The following HK1 variants were observed in gnomAD, a reference collection of about 807,000 sequenced individuals.
HK1 encodes hexokinase 1, also known as hexokinase-1.
HK1 carries 28 observed loss-of-function variants against 91.6 expected under a neutral mutation model. That is an observed-to-expected ratio of 0.31 (90% CI 0.23 to 0.42). HK1 has a LOEUF of 0.42. HK1 is among the 10% of genes least tolerant of loss of function. The probability of loss-of-function intolerance (pLI) is 1.00; values close to 1 mark genes in which losing one functional copy is unlikely to be tolerated. For missense variants in HK1, 770 were observed against 1,219.8 expected, an observed-to-expected ratio of 0.63 and a Z score of 5.49; for synonymous variants, 430 against 468.1, an observed-to-expected ratio of 0.92 and a Z score of 1.05.
At chr10:69,318,252 G>C (rs1302152115), upstream of HK1, 3 of 984,542 alleles carry the variant, frequency 3.0e-6, no homozygotes, top group African/African-American at 1.7e-5. Flanking sequence ...CGGTGCGTTC[G>C]GCCTGGGTGA....
In HK1 at chr10:69,364,795, GT is replaced by G; in HGVS notation, c.390del (p.Ala131LeufsTer33). 6.2e-7 allele frequency: 1 copy of G among 1,614,150 alleles called. No homozygotes were observed. The highest frequency in any genetic ancestry group is 8.5e-7 in the Non-Finnish European group (1 of 1,180,022). ...ATGTTTCCTTCAGCTTTTTGATCAT[GT>G]TGCTGAGTGCCTGGGAGATTTCATG... ...HGSGSQLFDHVAECLGDFMEK... is the reference protein window; with the variant it reads ...HGSGSQLFDHXAECLGDFMEK... On this transcript the variant is annotated frameshift_variant, in exon 4 of 18. Transcript: ENST00000359426. LOFTEE classifies it high-confidence loss of function.
At chr10:69,350,402 C>T (rs1347391830) in intron 2 of HK1, among the ~76,000 whole-genome samples, 2 of 152,276 alleles carry the variant, frequency 1.3e-5, no homozygotes, top group South Asian at 2.1e-4. Context: ...TGCCCGGCAG[C>T]GTATAGGACC....
chr10:69,381,207 G>T (rs542083190), intron 9 of HK1, among the ~76,000 whole-genome samples: 1 of 152,198 alleles, frequency 6.6e-6, no homozygotes, highest in Non-Finnish European at 1.5e-5. Context: ...AGGATCACTT[G>T]AGCATGGGGG....
chr10:69,351,314 C>T (rs1300023697), intron 2 of HK1, among the ~76,000 whole-genome samples: 1 of 151,912 alleles, frequency 6.6e-6, no homozygotes, highest in East Asian at 1.9e-4. Flanking sequence ...TTGAGACCAA[C>T]CTGGCCAAGG....
Position 69,379,944 on chromosome 10 carries a change from C to A in HK1, c.1114C>A (p.Gln372Lys), listed in dbSNP as rs900992780. 3.1e-6 allele frequency: 5 copies of A among 1,614,088 alleles called. No homozygotes were observed. The African/African-American group carries it at 5.3e-5, about 17-fold the overall frequency. The stretch of plus-strand genomic sequence containing the variant: ...GTCCGATGATGACTGTGTCTCAGTC[C>A]AGCACGTTTGCACCATTGTCTCATT... ...EPSDDDCVSV[Q>K]HVCTIVSFRS... Residue 372 changes from glutamine (Q) to lysine (K), a missense_variant, in exon 9 of 18, where the codon CAG (glutamine) becomes AAG (lysine). Gln to Lys is a moderately conservative substitution (Grantham distance 53, BLOSUM62 1). Transcript: ENST00000359426.
chr10:69,372,130 C>T (rs1850039623), intron 7 of HK1, among the ~76,000 whole-genome samples: 1 of 152,186 alleles, frequency 6.6e-6, no homozygotes, highest in Admixed American at 6.6e-5. Flanking sequence ...ATAAAACCAT[C>T]AGGTCTTGTG....
intron 1 of HK1, among the ~76,000 whole-genome samples, chr10:69,322,988 C>G (rs1012203967): frequency 6.6e-6 from 1 of 151,894 alleles, no homozygotes; most frequent in Non-Finnish European, 1.5e-5. Context: ...TGGCTCATGC[C>G]TGTAATCCCA....
chr10:69,270,569 G>A (rs914251464), intron 1 of HK1, among the ~76,000 whole-genome samples: 25 of 151,250 alleles, frequency 1.7e-4, no homozygotes, highest in African/African-American at 5.1e-4. Context: ...GGTACACAGC[G>A]AGTCTGTCTA....
At chr10:69,304,751 A>G (rs1405169875) in intron 5 of HK1, among the ~76,000 whole-genome samples, 1 of 152,164 alleles carries the variant, frequency 6.6e-6, no homozygotes, top group African/African-American at 2.4e-5. Context: ...ATATTTTGCC[A>G]TGGGTGTTTC....
chr10:69,386,156 G>GA (rs1839619573), intron 12 of HK1, among the ~76,000 whole-genome samples, 167 bp from the exon 13 acceptor site: 1 of 152,214 alleles, frequency 6.6e-6, no homozygotes, highest in African/African-American at 2.4e-5. Flanking sequence ...TGAGGATGGT[G>GA]AGGAGGGTCT....
At chr10:69,322,907 G>T (rs936742001) in intron 1 of HK1, among the ~76,000 whole-genome samples, 2 of 135,164 alleles carry the variant, frequency 1.5e-5, no homozygotes, top group African/African-American at 5.4e-5. Flanking sequence ...AAAAAAAAAT[G>T]CCCATTCATT....
chr10:69,357,948 C>A (rs955807444), intron 2 of HK1, among the ~76,000 whole-genome samples: 1 of 152,072 alleles, frequency 6.6e-6, no homozygotes, highest in East Asian at 1.9e-4. Context: ...TCCGAATATA[C>A]TAAAAACCAT....
At chr10:69,272,698 T>C (rs755810390) in intron 1 of HK1, among the ~76,000 whole-genome samples, 5 of 152,036 alleles carry the variant, frequency 3.3e-5, no homozygotes, top group Non-Finnish European at 7.4e-5. Context: ...AGGGTTTCTC[T>C]TTCTCTTTAG....
chr10:69,288,637 G>A, intron 2 of HK1: 2 of 999,542 alleles, frequency 2.0e-6, no homozygotes, highest in Middle Eastern at 2.1e-4. Context: ...ACAATCCTCT[G>A]ACCCTGCCTT....
At chr10:69,367,849 A>G (rs2132809009) in intron 4 of HK1, among the ~76,000 whole-genome samples, 1 of 152,374 alleles carries the variant, frequency 6.6e-6, no homozygotes, top group South Asian at 2.1e-4. Flanking sequence ...CAAAAGCAAT[A>G]TGTAAAACTA....
chr10:69,398,733 G>C lies in HK1; in HGVS notation c.2514G>C (p.Met838Ile), dbSNP rs766855184. The change falls in exon 17 of 18, where the codon ATG (methionine) becomes ATC (isoleucine). Residue 838 changes from methionine (M) to isoleucine (I), a missense_variant. Met to Ile is a conservative substitution (Grantham distance 10). Transcript: ENST00000359426. ...RRAAQLCGAGMAAVVDKIREN... is the reference protein window; with the variant it reads ...RRAAQLCGAGIAAVVDKIREN... The stretch of plus-strand genomic sequence containing the variant: ...CCGCACAGCTGTGTGGCGCAGGCAT[G>C]GCTGCGGTTGTGGATAAGATCCGCG... 6.2e-7 allele frequency: 1 copy of C among 1,614,216 alleles called. No individual in the cohort carries two copies. Among genetic ancestry groups the C allele is most frequent in the Non-Finnish European group, 8.5e-7 (1 of 1,180,026 alleles).
At position 69,395,117 on chromosome 10, in the gene HK1, G is replaced by A. The variant is rs750740147; in HGVS notation, c.2375+12G>A. 11 of 1,613,024 alleles carry A rather than the reference G, an allele frequency of 6.8e-6. No homozygotes were observed. In the African/African-American group the frequency reaches 1.5e-4, roughly 22 times the overall value. On this transcript the variant is annotated intron_variant, in intron 16 of 17. Transcript: ENST00000359426. ...TCTCAGATCGAGAGGTGAGTGGGCA[G>A]TGTCTTCCCTGCCAGCGCCCACCCT...
intron 7 of HK1, among the ~76,000 whole-genome samples, chr10:69,371,920 T>C (rs1850026467): frequency 6.6e-6 from 1 of 152,212 alleles, no homozygotes; most frequent in African/African-American, 2.4e-5. Context: ...ATCTCTTTTC[T>C]TGAATATGTT....
Position 69,392,183 on chromosome 10 carries a change from G to A in HK1, c.2094G>A (p.Gly698=), listed in dbSNP as rs1839924598. 6.2e-7 allele frequency: 1 copy of A among 1,614,074 alleles called. No individual in the cohort carries two copies. The highest frequency in any genetic ancestry group is 8.5e-7 in the Non-Finnish European group (1 of 1,180,044). The change falls in exon 15 of 18, where the codon GGG becomes GGA. Residue 698 remains glycine (G), a synonymous_variant. Coordinates refer to ENST00000359426, the MANE Select transcript of HK1 (RefSeq NM_000188.3). ...EEMKNVEMVE[G]DQGQMCINME... is the part of the protein sequence containing the mutation. Reference sequence around the variant, plus strand: ...TGAAGAACGTGGAGATGGTGGAGGGGGACCAGGGGCAGATGTGCATCAACA... The same window carrying A: ...TGAAGAACGTGGAGATGGTGGAGGGAGACCAGGGGCAGATGTGCATCAACA...
Sources: gnomAD v4.1 joint callset for allele counts (sites outside exome capture counted in the v4.1 genomes callset) on GRCh38, gnomAD v4.1.1 for gene constraint, MANE v1.5 for transcripts, NCBI Gene and HGNC (gene_info 2026-07-23, HGNC 2026-07-21) for gene names.